BABAM2: variants seen among roughly 807,000 people sequenced by gnomAD.
BABAM2 encodes BRISC and BRCA1 A complex member 2.
BABAM2 carries 31 observed loss-of-function variants against 54.7 expected under a neutral mutation model. The ratio of observed to expected loss-of-function variants is 0.57; its 90% CI spans 0.43 to 0.77. The LOEUF (loss-of-function observed/expected upper bound fraction) is 0.77. Ranked by LOEUF, BABAM2 falls within the 30% of genes least tolerant of loss-of-function variation. The probability of loss-of-function intolerance (pLI) is 0.00; values close to 1 mark genes in which losing one functional copy is unlikely to be tolerated. For missense variants in BABAM2, 364 were observed against 455.8 expected, an observed-to-expected ratio of 0.80 and a Z score of 1.83; for synonymous variants, 167 against 162.9, an observed-to-expected ratio of 1.03 and a Z score of -0.19.
At chr2:27,896,812 C>G (rs1665362741) in intron 2 of BABAM2, 3 of 234,566 alleles carry the variant, frequency 1.3e-5, no homozygotes, top group Non-Finnish European at 2.6e-5. Context: ...TTGTGCCCAA[C>G]TGGGTCCACA....
chr2:28,323,851 C>T (rs1290437023), intron 11 of BABAM2, among the ~76,000 whole-genome samples: 1 of 152,220 alleles, frequency 6.6e-6, no homozygotes, highest in Non-Finnish European at 1.5e-5. Flanking sequence ...CACACACCCT[C>T]CTTCTTGAAC....
At chr2:28,089,483 A>G (rs1316368226) in intron 6 of BABAM2, among the ~76,000 whole-genome samples, 1 of 152,206 alleles carries the variant, frequency 6.6e-6, no homozygotes, top group African/African-American at 2.4e-5. Context: ...CTTCACAGTC[A>G]GATTTTGGGC....
intron 6 of BABAM2, among the ~76,000 whole-genome samples, chr2:28,083,124 G>T (rs1421508934): frequency 6.6e-6 from 1 of 151,966 alleles, no homozygotes; most frequent in Non-Finnish European, 1.5e-5. Flanking sequence ...CCTTTTTGCT[G>T]CACCTTGTAC....
chr2:27,953,635 C>T (rs561823323), intron 3 of BABAM2, among the ~76,000 whole-genome samples: 7 of 150,348 alleles, frequency 4.7e-5, no homozygotes, highest in Middle Eastern at 3.5e-3. Context: ...TCATTACCAA[C>T]GATCTCACCA....
At chr2:28,258,472 G>A (rs1432145199) in intron 10 of BABAM2, among the ~76,000 whole-genome samples, 2 of 152,036 alleles carry the variant, frequency 1.3e-5, no homozygotes, top group Admixed American at 1.3e-4. Context: ...AGCCATTATA[G>A]GATATATAAT....
intron 3 of BABAM2, among the ~76,000 whole-genome samples, chr2:27,978,194 C>T (rs896756778): frequency 6.6e-6 from 1 of 152,080 alleles, no homozygotes; most frequent in African/African-American, 2.4e-5. Flanking sequence ...AGAGTTCTTG[C>T]TCTGACTTCA....
chr2:28,193,429 A>G (rs904518437), intron 7 of BABAM2, among the ~76,000 whole-genome samples: 1 of 152,060 alleles, frequency 6.6e-6, no homozygotes, highest in Admixed American at 6.6e-5. Flanking sequence ...CTTAATAAAC[A>G]TGTGACCTCG....
At chr2:28,247,415 C>T (rs1010723177) in intron 10 of BABAM2, among the ~76,000 whole-genome samples, 1 of 152,198 alleles carries the variant, frequency 6.6e-6, no homozygotes, top group Non-Finnish European at 1.5e-5. Context: ...CTTAGTCATG[C>T]AGTTAAGCAT....
At chr2:28,161,776 C>T (rs1314881442) in intron 7 of BABAM2, among the ~76,000 whole-genome samples, 2 of 152,160 alleles carry the variant, frequency 1.3e-5, no homozygotes, top group African/African-American at 4.8e-5. Flanking sequence ...TTACTTAATG[C>T]CAAGCTGGCC....
intron 6 of BABAM2, among the ~76,000 whole-genome samples, chr2:28,096,183 G>A (rs1666602640): frequency 6.6e-6 from 1 of 152,160 alleles, no homozygotes; most frequent in Non-Finnish European, 1.5e-5. Context: ...AACCGAGTGA[G>A]CAGGATAGAT....
At chr2:28,097,944 C>G (rs977924753) in intron 6 of BABAM2, among the ~76,000 whole-genome samples, 1 of 152,122 alleles carries the variant, frequency 6.6e-6, no homozygotes, top group Non-Finnish European at 1.5e-5. Flanking sequence ...TGGGTTTTTT[C>G]TATTCCAACT....
At chr2:28,307,029 CAG>C (rs1284274499) in intron 11 of BABAM2, among the ~76,000 whole-genome samples, 48 of 50,640 alleles carry the variant, frequency 9.5e-4, no homozygotes, top group African/African-American at 2.9e-3. Context: ...TTTTTTGAGA[CAG>C]AGTCTTATTC....
At chr2:28,039,155 A>G (rs1476441918) in intron 5 of BABAM2, among the ~76,000 whole-genome samples, 1 of 152,130 alleles carries the variant, frequency 6.6e-6, no homozygotes, top group African/African-American at 2.4e-5. Context: ...TGCCTGACAC[A>G]TTTTAGGCCC....
rs934862463 is a variant in BABAM2, at chr2:28,165,589, C to T, written c.680+36209C>T. ...TTGCTCTGTCACCCAGGCTGGAGTG[C>T]AGTGGTATGATATTGTGTCACTGCA... On this transcript the variant is annotated intron_variant, in intron 7 of 11. Transcript: ENST00000379624. Among the ~76,000 whole-genome samples the T allele has an allele frequency of 2.6e-4, 31 of 118,670 alleles. No individual in the cohort carries two copies. The East Asian group carries it at 8.4e-3, about 32-fold the overall frequency. The allele number at this position is 118,670 out of a possible 152,430, so 77.9% of individuals were successfully genotyped here. A position where few individuals can be genotyped will look rare whatever the true frequency, so the allele number is the denominator to read the frequency against.
At chr2:28,326,647 G>A (rs769613130) in intron 11 of BABAM2, among the ~76,000 whole-genome samples, 2 of 152,132 alleles carry the variant, frequency 1.3e-5, no homozygotes, top group African/African-American at 4.8e-5. Context: ...CTCACGCTCC[G>A]CCTACTAGCT....
At chr2:27,917,219 C>T (rs574361281) in intron 2 of BABAM2, among the ~76,000 whole-genome samples, 29 of 151,886 alleles carry the variant, frequency 1.9e-4, no homozygotes, top group African/African-American at 7.0e-4. Flanking sequence ...GGTTTCACCA[C>T]GTTGGCCAGG....
intron 7 of BABAM2, among the ~76,000 whole-genome samples, chr2:28,156,111 C>T (rs538345639): frequency 9.2e-5 from 14 of 151,916 alleles, no homozygotes; most frequent in South Asian, 2.1e-4. Flanking sequence ...TATATTTTTC[C>T]GATTTTGTTT....
At chr2:28,253,174 C>T (rs1192734820) in intron 10 of BABAM2, among the ~76,000 whole-genome samples, 4 of 151,900 alleles carry the variant, frequency 2.6e-5, no homozygotes, top group African/African-American at 7.3e-5. Flanking sequence ...GTGGCCAAAG[C>T]GGATGGATCA....
At chr2:27,923,348 C>G (rs1025113142) in intron 2 of BABAM2, among the ~76,000 whole-genome samples, 1 of 152,006 alleles carries the variant, frequency 6.6e-6, no homozygotes, top group African/African-American at 2.4e-5. Context: ...TGTGTAAAAC[C>G]GTGGCTCATG....
Sources: gnomAD v4.1 joint callset for allele counts (sites outside exome capture counted in the v4.1 genomes callset) on GRCh38, gnomAD v4.1.1 for gene constraint, MANE v1.5 for transcripts, NCBI Gene and HGNC (gene_info 2026-07-23, HGNC 2026-07-21) for gene names.